COP1: variants seen among roughly 807,000 people sequenced by gnomAD.
The protein encoded by COP1 is E3 ubiquitin-protein ligase COP1.
In COP1, 24 loss-of-function variants were observed where a neutral mutation model predicts 101.3. That is an observed-to-expected ratio of 0.24 (90% confidence interval 0.17 to 0.33). COP1 has a LOEUF of 0.33. Among genes scored for constraint, COP1 ranks in the 10% least tolerant of loss-of-function variants. COP1 has a pLI of 1.00. For missense variants in COP1, 663 were observed against 906.2 expected, an observed-to-expected ratio of 0.73 and a Z score of 3.45; for synonymous variants, 347 against 341.9, an observed-to-expected ratio of 1.01 and a Z score of -0.17.
At chr1:176,055,048 T>C (rs1201731955) in intron 11 of COP1, among the ~76,000 whole-genome samples, 2 of 152,168 alleles carry the variant, frequency 1.3e-5, no homozygotes, top group Admixed American at 6.5e-5. Flanking sequence ...ATGATCACTC[T>C]CTCTTCCACA....
chr1:176,088,521 C>T (rs1027581074), intron 9 of COP1, among the ~76,000 whole-genome samples: 1 of 152,090 alleles, frequency 6.6e-6, no homozygotes, highest in South Asian at 2.1e-4. Flanking sequence ...TCAAATCTCA[C>T]TCAAGCAAAT....
chr1:176,140,686 A>G (rs1365503737), intron 6 of COP1, among the ~76,000 whole-genome samples: 1 of 152,222 alleles, frequency 6.6e-6, no homozygotes, highest in Non-Finnish European at 1.5e-5. Context: ...AGAATGTTTT[A>G]AAGATATATG....
At chr1:175,965,801 C>G (rs1490686348) in intron 18 of COP1, among the ~76,000 whole-genome samples, 1 of 152,008 alleles carries the variant, frequency 6.6e-6, no homozygotes, top group Non-Finnish European at 1.5e-5. Flanking sequence ...TCAGGCTGGT[C>G]TCGAACTCCT....
At position 176,046,312 on chromosome 1, in the gene COP1, G is replaced by A. The variant is rs758135300; in HGVS notation, c.1290C>T (p.Asp430=). 9.3e-6 allele frequency: 15 copies of A among 1,607,890 alleles called. No individual in the cohort carries two copies. Among genetic ancestry groups the A allele is most frequent in the Non-Finnish European group, 8.5e-7 (1 of 1,178,182 alleles). Residue 430 remains aspartate, a synonymous_variant, in exon 12 of 20, where the codon GAC becomes GAT. Transcript: ENST00000367669. ...GSSIVSSIEF[D]RDCDYFAIAG... ...CAATCGCAAAATAGTCACAATCCCG[G>A]TCAAATTCAATACTAAGGGGAAAAA...
chr1:175,965,186 A>C (rs1036205399), intron 18 of COP1, among the ~76,000 whole-genome samples: 8 of 152,138 alleles, frequency 5.3e-5, no homozygotes, highest in Non-Finnish European at 2.9e-5. Context: ...GTAGGAGGTC[A>C]TGGACTCTGT....
chr1:176,170,575 A>T (rs1695886830), intron 3 of COP1, among the ~76,000 whole-genome samples: 1 of 152,192 alleles, frequency 6.6e-6, no homozygotes, highest in Admixed American at 6.5e-5. Flanking sequence ...TGGTCTTACG[A>T]TATTCAGTAA....
chr1:175,991,896 T>C (rs571058914), intron 15 of COP1, among the ~76,000 whole-genome samples: 1 of 152,310 alleles, frequency 6.6e-6, no homozygotes, highest in South Asian at 2.1e-4. Context: ...AGTACCTTTT[T>C]CTGGAATGTC....
At chr1:175,989,771 A>G (rs924243809) in intron 15 of COP1, among the ~76,000 whole-genome samples, 3 of 152,176 alleles carry the variant, frequency 2.0e-5, no homozygotes, top group Admixed American at 6.5e-5. Flanking sequence ...AATGCTATAT[A>G]ATCTTATTTC....
At chr1:176,095,927 C>A (rs1682274544) in intron 9 of COP1, among the ~76,000 whole-genome samples, 1 of 152,126 alleles carries the variant, frequency 6.6e-6, no homozygotes, top group Non-Finnish European at 1.5e-5. Flanking sequence ...CAAATTAAAT[C>A]CTGCATTAAA....
chr1:176,080,176 A>G (rs1356880470), intron 11 of COP1, among the ~76,000 whole-genome samples: 1 of 152,226 alleles, frequency 6.6e-6, no homozygotes, highest in South Asian at 2.1e-4. Flanking sequence ...TTTTAAAAAA[A>G]CAAACTTCCT....
At chr1:176,003,168 T>G (rs1240937796) in intron 15 of COP1, among the ~76,000 whole-genome samples, 1 of 152,304 alleles carries the variant, frequency 6.6e-6, no homozygotes, top group East Asian at 1.9e-4. Context: ...TTGAGAAGTG[T>G]CTGTTCATGT....
intron 8 of COP1, among the ~76,000 whole-genome samples, chr1:176,120,040 A>G (rs761779728): frequency 6.6e-6 from 1 of 152,202 alleles, no homozygotes; most frequent in Admixed American, 6.5e-5. Flanking sequence ...TAACTTAAGA[A>G]CTGGAAAATC....
intron 15 of COP1, among the ~76,000 whole-genome samples, chr1:175,996,919 A>G (rs1009373103): frequency 7.9e-5 from 12 of 152,042 alleles, no homozygotes; most frequent in African/African-American, 2.9e-4. Flanking sequence ...ATATGGAACC[A>G]AAAAAGAGCC....
At chr1:176,078,692 A>C (rs1295292479) in intron 11 of COP1, among the ~76,000 whole-genome samples, 8 of 152,028 alleles carry the variant, frequency 5.3e-5, no homozygotes, top group African/African-American at 1.7e-4. Flanking sequence ...AGAAATTGCC[A>C]ACAGAGTAAA....
At chr1:176,197,295 G>C (rs1699801740) in intron 1 of COP1, among the ~76,000 whole-genome samples, 1 of 152,134 alleles carries the variant, frequency 6.6e-6, no homozygotes, top group African/African-American at 2.4e-5. Flanking sequence ...CATGCCTGTA[G>C]AGCCAGCTAC....
chr1:176,110,251 T>C (rs1405505578), intron 9 of COP1, among the ~76,000 whole-genome samples: 2 of 152,260 alleles, frequency 1.3e-5, no homozygotes, highest in Non-Finnish European at 2.9e-5. Context: ...TAAGCCATGC[T>C]TAACTCATTT....
chr1:176,202,222 C>T (rs962533569), intron 1 of COP1, among the ~76,000 whole-genome samples: 5 of 130,346 alleles, frequency 3.8e-5, no homozygotes, highest in African/African-American at 1.4e-4. Context: ...CAGGGTCTCA[C>T]TTTGTCGTCC....
At chr1:176,199,084 G>A (rs1430714703) in intron 1 of COP1, among the ~76,000 whole-genome samples, 8 of 152,142 alleles carry the variant, frequency 5.3e-5, no homozygotes, top group South Asian at 2.1e-4. Flanking sequence ...TTGGGAGGCC[G>A]AGGCGTGGGG....
chr1:176,075,785 AAG>A (rs1264366586), intron 11 of COP1, among the ~76,000 whole-genome samples: 1 of 152,008 alleles, frequency 6.6e-6, no homozygotes, highest in Admixed American at 6.6e-5. Flanking sequence ...CAGGTGGATC[AAG>A]AGGTCAGGAG....
Sources: allele counts gnomAD v4.1 joint callset (sites outside exome capture counted in the v4.1 genomes callset), GRCh38; gene constraint gnomAD v4.1.1; transcripts MANE v1.5; gene names NCBI Gene and HGNC (gene_info 2026-07-23, HGNC 2026-07-21).